CFAP47: variants seen among roughly 807,000 people sequenced by gnomAD.
The protein encoded by CFAP47 is cilia- and flagella-associated protein 47.
Under a neutral mutation model 148.1 loss-of-function variants are expected in CFAP47, and 29 were observed. That is an observed-to-expected ratio of 0.20 (90% confidence interval 0.15 to 0.27). The LOEUF (loss-of-function observed/expected upper bound fraction) is 0.27. CFAP47 is among the 10% of genes least tolerant of loss of function. The pLI, the probability that CFAP47 is intolerant of heterozygous loss-of-function variation, is 1.00. For missense variants in CFAP47, 1,872 were observed against 1,697.5 expected, an observed-to-expected ratio of 1.10 and a Z score of -1.81; for synonymous variants, 664 against 577.3, an observed-to-expected ratio of 1.15 and a Z score of -2.15.
intron 10 of CFAP47, among the ~76,000 whole-genome samples, chrX:35,968,440 C>T (rs1455350724): frequency 3.6e-5 from 4 of 111,745 alleles, no homozygotes; most frequent in Non-Finnish European, 7.5e-5. Context: ...GAGAAGTGAA[C>T]CAGGCATCCC....
At chrX:36,336,596 A>G (rs782473946) in intron 57 of CFAP47, among the ~76,000 whole-genome samples, 1 of 111,429 alleles carries the variant, frequency 9.0e-6, no homozygotes, top group Non-Finnish European at 1.9e-5. Context: ...AAAAGATAAA[A>G]TATTCATCAT....
intron 35 of CFAP47, among the ~76,000 whole-genome samples, chrX:36,143,047 A>G (rs1449738671): frequency 4.5e-5 from 5 of 112,135 alleles, no homozygotes; most frequent in Admixed American, 9.5e-5. Context: ...CTTATCTTAA[A>G]TCATTTTTCT....
intron 33 of CFAP47, among the ~76,000 whole-genome samples, chrX:36,118,942 A>T (rs181437692): frequency 8.9e-6 from 1 of 112,054 alleles, no homozygotes; most frequent in Non-Finnish European, 1.9e-5. Context: ...AAGTTTACTG[A>T]ATTTGTTTTT....
chrX:36,191,004 C>T (rs1569284902), intron 42 of CFAP47, among the ~76,000 whole-genome samples: 1 of 111,320 alleles, frequency 9.0e-6, no homozygotes, highest in Non-Finnish European at 1.9e-5. Flanking sequence ...TTGTACTTAC[C>T]TGGTGTCTAT....
intron 33 of CFAP47, among the ~76,000 whole-genome samples, chrX:36,122,354 GA>G (rs1938760072): frequency 9.0e-6 from 1 of 111,309 alleles, no homozygotes; most frequent in East Asian, 2.9e-4. Context: ...CTAGGTTTGG[GA>G]AGTTCTCTGT....
chrX:36,085,149 A>C (rs1938056652), intron 29 of CFAP47, among the ~76,000 whole-genome samples, 165 bp from the exon 30 acceptor site: 1 of 111,607 alleles, frequency 9.0e-6, no homozygotes, highest in Non-Finnish European at 1.9e-5. Flanking sequence ...TATTTAACAA[A>C]TCTTTTTTGA....
At chrX:36,227,445 G>A (rs188932838) in intron 45 of CFAP47, among the ~76,000 whole-genome samples, 1 of 111,864 alleles carries the variant, frequency 8.9e-6, no homozygotes, top group Admixed American at 9.6e-5. Flanking sequence ...TATAAGATAT[G>A]TAACATTACA....
At chrX:36,266,786 A>G (rs1246082814) in intron 49 of CFAP47, among the ~76,000 whole-genome samples, 10 of 110,868 alleles carry the variant, frequency 9.0e-5, no homozygotes, top group Non-Finnish European at 1.9e-5. Flanking sequence ...TGGAAAAGAC[A>G]GCCCTTTTCT....
chrX:36,152,687 G>A (rs1322370573), intron 37 of CFAP47, among the ~76,000 whole-genome samples: 3 of 111,639 alleles, frequency 2.7e-5, no homozygotes, highest in Middle Eastern at 4.6e-3. Flanking sequence ...TGTGGTTTTC[G>A]TCAGGTTATT....
At chrX:36,103,883 C>T (rs1048525113) in intron 32 of CFAP47, among the ~76,000 whole-genome samples, 1 of 111,689 alleles carries the variant, frequency 9.0e-6, no homozygotes, top group African/African-American at 3.2e-5. Flanking sequence ...TACTGACAGA[C>T]ACAGAGTTCT....
chrX:36,380,359 C>G (rs1347924948), intron 63 of CFAP47, among the ~76,000 whole-genome samples: 3 of 113,035 alleles, frequency 2.7e-5, no homozygotes, highest in African/African-American at 9.6e-5. Context: ...TTCTTTTCAT[C>G]TTTCTAAGAG....
chrX:36,106,982 G>A (rs1238427499), intron 33 of CFAP47, among the ~76,000 whole-genome samples: 1 of 111,504 alleles, frequency 9.0e-6, no homozygotes, highest in Middle Eastern at 4.2e-3. Context: ...AACTTTGGGT[G>A]ATAATGGTTT....
intron 2 of CFAP47, among the ~76,000 whole-genome samples, chrX:35,933,924 A>AT (rs1324617570): frequency 3.6e-5 from 4 of 111,100 alleles, no homozygotes; most frequent in South Asian, 3.8e-4. Context: ...TTAACTATTG[A>AT]TTTTTTCCTA....
chrX:36,182,168 T>C (rs1939757889), intron 40 of CFAP47, among the ~76,000 whole-genome samples: 1 of 112,284 alleles, frequency 8.9e-6, no homozygotes, highest in Admixed American at 9.5e-5. Context: ...GAAAGGAAGA[T>C]GCACAAGGAT....
At chrX:36,091,844 A>G (rs1273318829) in intron 30 of CFAP47, among the ~76,000 whole-genome samples, 2 of 111,015 alleles carry the variant, frequency 1.8e-5, no homozygotes. Context: ...TCTTTTTCCA[A>G]CTTCTCTGTA....
At chrX:36,190,590 A>G (rs782289830) in intron 42 of CFAP47, among the ~76,000 whole-genome samples, 1 of 112,281 alleles carries the variant, frequency 8.9e-6, no homozygotes, top group Non-Finnish European at 1.9e-5. Flanking sequence ...CATTCAAGGG[A>G]TTGACCAGAG....
At chrX:35,960,372 T>C (rs1936309391) in intron 8 of CFAP47, among the ~76,000 whole-genome samples, 1 of 58,119 alleles carries the variant, frequency 1.7e-5, no homozygotes, top group Non-Finnish European at 2.5e-5. Context: ...ATTAGCTTGC[T>C]AATTTCTGAA....
At chrX:35,992,420 C>T (rs1194611129) in intron 17 of CFAP47, among the ~76,000 whole-genome samples, 1 of 109,510 alleles carries the variant, frequency 9.1e-6, no homozygotes, top group South Asian at 3.8e-4. Context: ...GTAGTAAGAC[C>T]GGCTTCCCCT....
intron 56 of CFAP47, among the ~76,000 whole-genome samples, chrX:36,312,014 A>G (rs1277361985): frequency 1.8e-5 from 2 of 111,036 alleles, no homozygotes; most frequent in Non-Finnish European, 3.8e-5. Flanking sequence ...GTGGTGTTTA[A>G]TAAATGTTGA....
Sources: gnomAD v4.1 joint callset for allele counts (sites outside exome capture counted in the v4.1 genomes callset) on GRCh38, gnomAD v4.1.1 for gene constraint, MANE v1.5 for transcripts, NCBI Gene and HGNC (gene_info 2026-07-23, HGNC 2026-07-21) for gene names.